The following ZC3H12B variants were observed in gnomAD, a reference collection of about 807,000 sequenced individuals.
ZC3H12B encodes probable ribonuclease ZC3H12B.
A neutral mutation model predicts 43.9 loss-of-function variants in ZC3H12B; 7 were observed. That is an observed-to-expected ratio of 0.16 (90% CI 0.09 to 0.30). The LOEUF (loss-of-function observed/expected upper bound fraction) is 0.30, where lower values mean the gene tolerates loss of function less well. Ranked by LOEUF, ZC3H12B falls within the 10% of genes least tolerant of loss-of-function variation. ZC3H12B has a pLI of 1.00. For missense variants in ZC3H12B, 475 were observed against 670.2 expected (o/e 0.71, Z 3.22); for synonymous variants, 222 against 241.7 (o/e 0.92, Z 0.76).
chrX:65,275,756 C>T, the ZC3H12B span, among the ~76,000 whole-genome samples: 2 of 112,002 alleles, frequency 1.8e-5, no homozygotes, highest in East Asian at 2.8e-4. Context: ...ACACCAGATG[C>T]GTGAAAATCA....
chrX:65,171,346 G>A, the ZC3H12B span, among the ~76,000 whole-genome samples: 9 of 111,324 alleles, frequency 8.1e-5, no homozygotes, highest in Non-Finnish European at 1.5e-4. Context: ...AGCAGAGGCT[G>A]CAGAATAGCA....
the ZC3H12B span, among the ~76,000 whole-genome samples, chrX:65,248,051 T>A: frequency 1.9e-3 from 164 of 85,634 alleles, 1 homozygote; most frequent in Non-Finnish European, 2.7e-3. Context: ...ACGAAAAAAA[T>A]TTTTTTTTTG....
At chrX:65,435,699 T>TAGATAGATAGAC in intron 3 of ZC3H12B, among the ~76,000 whole-genome samples, 1 of 105,181 alleles carries the variant, frequency 9.5e-6, no homozygotes, top group East Asian at 3.0e-4. Flanking sequence ...GATAGATAGA[T>TAGATAGATAGAC]AGACAGTCAG....
chrX:65,155,991 C>A, the ZC3H12B span, among the ~76,000 whole-genome samples: 11 of 110,922 alleles, frequency 9.9e-5, no homozygotes, highest in South Asian at 2.3e-3. Context: ...GTTTTTTCCA[C>A]TACTAGATCA....
the ZC3H12B span, among the ~76,000 whole-genome samples, chrX:65,264,004 T>A: frequency 1.8e-5 from 2 of 111,191 alleles, no homozygotes; most frequent in African/African-American, 6.5e-5. Flanking sequence ...AAATAATGTA[T>A]TTTGCACAAC....
chrX:65,193,187 G>T, the ZC3H12B span, among the ~76,000 whole-genome samples: 96 of 108,860 alleles, frequency 8.8e-4, no homozygotes, highest in African/African-American at 3.1e-3. Context: ...GAATGAGTAT[G>T]GAAGTCTTCC....
intron 3 of ZC3H12B, among the ~76,000 whole-genome samples, chrX:65,409,092 G>T (rs1270725232): frequency 1.8e-5 from 2 of 111,031 alleles, no homozygotes; most frequent in East Asian, 5.6e-4. Flanking sequence ...ATTCTAGTAT[G>T]CATTAAATAT....
the ZC3H12B span, among the ~76,000 whole-genome samples, chrX:65,157,818 A>G: frequency 9.3e-6 from 1 of 107,165 alleles, no homozygotes; most frequent in East Asian, 3.0e-4. Context: ...CATGTGCACA[A>G]TATGCAGGTT....
the ZC3H12B span, among the ~76,000 whole-genome samples, chrX:65,150,329 G>A: frequency 0.019 from 2,140 of 110,317 alleles, 22 homozygotes; most frequent in Middle Eastern, 0.042. Context: ...ACTCCTTCTG[G>A]ACCTTCATAT....
the ZC3H12B span, among the ~76,000 whole-genome samples, chrX:65,222,602 AAATAATAATAATAAT>A: frequency 0.02 from 1,867 of 91,115 alleles, 55 homozygotes; most frequent in African/African-American, 0.059. Flanking sequence ...AATAGCTGCA[AAATAATAATAATAAT>A]AATAATAATA....
chrX:65,202,281 G>C, the ZC3H12B span, among the ~76,000 whole-genome samples: 2 of 100,794 alleles, frequency 2.0e-5, no homozygotes, highest in Non-Finnish European at 4.0e-5. Context: ...GGATAGTCTT[G>C]AAGCTTGTGA....
the ZC3H12B span, among the ~76,000 whole-genome samples, chrX:65,116,333 G>C: frequency 9.0e-6 from 1 of 110,880 alleles, no homozygotes; most frequent in Admixed American, 9.7e-5. Flanking sequence ...GTTTCTGTTT[G>C]CTTTGTCTAA....
At chrX:65,170,616 T>A in the ZC3H12B span, among the ~76,000 whole-genome samples, 2 of 112,074 alleles carry the variant, frequency 1.8e-5, no homozygotes, top group Non-Finnish European at 3.8e-5. Context: ...CTGGATAATA[T>A]CCTGAAGAGT....
chrX:65,287,334 A>C, the ZC3H12B span, among the ~76,000 whole-genome samples: 3 of 112,196 alleles, frequency 2.7e-5, no homozygotes, highest in African/African-American at 9.7e-5. Flanking sequence ...TACATCAAAT[A>C]TCTTTTCAGA....
chrX:65,061,910 A>G, the ZC3H12B span, among the ~76,000 whole-genome samples: 2 of 112,596 alleles, frequency 1.8e-5, no homozygotes, highest in African/African-American at 6.5e-5. Context: ...CATTTCTTTA[A>G]TGACCAGTGA....
At chrX:65,331,964 G>T in the ZC3H12B span, among the ~76,000 whole-genome samples, 1 of 111,138 alleles carries the variant, frequency 9.0e-6, no homozygotes, top group South Asian at 3.8e-4. Context: ...GTTTTAGCTG[G>T]CTTCTTTGCT....
rs886784557 is a variant in ZC3H12B, at chrX:65,415,115, G to A, written n.407+16411G>A. ...TGAAGTGGGAGCTTTCTGGTCATGG[G>A]TGGATTCAAATATTTTTCTGATTGG... On this transcript the variant is annotated intron_variant and non_coding_transcript_variant, in intron 3 of 5. Transcript: ENST00000617377. 3.6e-5 allele frequency among the ~76,000 whole-genome samples: 4 copies of A among 112,481 alleles called. No homozygotes were observed. The Admixed American group carries it at 3.8e-4, about 11-fold the overall frequency.
chrX:65,502,072 G>A (rs766100414), exon 5 of ZC3H12B: 2 of 1,211,492 alleles, frequency 1.7e-6, no homozygotes, highest in Middle Eastern at 2.3e-4. Context: ...GTAAGCCTGA[G>A]GCTAGTTCTG....
At position 65,392,337 on chromosome X, in the gene ZC3H12B, C is replaced by T. The variant is rs745422421; in HGVS notation, n.296-6256C>T. 2.5e-4 allele frequency among the ~76,000 whole-genome samples: 28 copies of T among 111,206 alleles called. No individual in the cohort carries two copies. In the South Asian group the frequency reaches 6.9e-3, roughly 27 times the overall value. On this transcript the variant is annotated intron_variant and non_coding_transcript_variant, in intron 2 of 5. Coordinates refer to the ZC3H12B transcript ENST00000617377. ...GAAGTGAGGAGCATCTCTGCCTGGC[C>T]GCCCATCTTCTGGGATGTGGGGAGC...
Sources: gnomAD v4.1 joint callset for allele counts (sites outside exome capture counted in the v4.1 genomes callset) on GRCh38, gnomAD v4.1.1 for gene constraint, MANE v1.5 for transcripts, NCBI Gene and HGNC (gene_info 2026-07-23, HGNC 2026-07-21) for gene names.